Variants in MYBPC1 observed in about 807,000 individuals in gnomAD.
MYBPC1 encodes the protein myosin-binding protein C, slow-type.
MYBPC1 carries 52 observed loss-of-function variants against 147.1 expected under a neutral mutation model. That is an observed-to-expected ratio of 0.35 (90% confidence interval 0.28 to 0.45). The LOEUF is 0.45. Among genes scored for constraint, MYBPC1 ranks in the 20% least tolerant of loss-of-function variants. The pLI, the probability that MYBPC1 is intolerant of heterozygous loss-of-function variation, is 1.00. For synonymous variants in MYBPC1, 477 were observed against 475.9 expected, an observed-to-expected ratio of 1.00 and a Z score of -0.03; for missense variants, 1,228 against 1,440.3, an observed-to-expected ratio of 0.85 and a Z score of 2.39.
intron 3 of MYBPC1, 57 bp from the exon 4 acceptor site, chr12:101,626,815 G>T (rs1888711132): frequency 1.3e-5 from 18 of 1,372,570 alleles, no homozygotes; most frequent in Non-Finnish European, 1.5e-5. Context: ...TCTTTTCTCA[G>T]GTTACTTGGG....
At position 101,637,120 on chromosome 12, in the gene MYBPC1, T is replaced by C. The variant is rs192398352; in HGVS notation, c.665+392T>C. The C allele has an allele frequency of 4.2e-3, 844 of 199,646 alleles. 6 individuals carry two copies. The highest frequency in any genetic ancestry group is 6.8e-3 in the Non-Finnish European group (658 of 96,750). The allele number at this position is 199,646 out of a possible 1,614,324, so 12.4% of individuals were successfully genotyped here. On this transcript the variant is annotated intron_variant, in intron 10 of 31. Transcript: ENST00000361466. ...CTTTAATGTATTATTTATGATGTACTGTATTTCTGCAAGTCTAAGACACCA... is the reference window on the plus strand; with the variant it reads ...CTTTAATGTATTATTTATGATGTACCGTATTTCTGCAAGTCTAAGACACCA...
At chr12:101,653,275 C>T (rs1298743192) in intron 18 of MYBPC1, 27 bp downstream of exon 18, 8 of 1,611,716 alleles carry the variant, frequency 5.0e-6, no homozygotes, top group Non-Finnish European at 5.9e-6. Flanking sequence ...CACACACTCA[C>T]ATGCACACAC....
intron 1 of MYBPC1, among the ~76,000 whole-genome samples, chr12:101,598,249 A>C (rs1423730790): frequency 6.6e-6 from 1 of 151,970 alleles, no homozygotes; most frequent in Non-Finnish European, 1.5e-5. Flanking sequence ...CGAACCGCTG[A>C]CCTCAGGTGG....
chr12:101,602,254 G>A (rs887141619), intron 1 of MYBPC1, among the ~76,000 whole-genome samples: 7 of 151,998 alleles, frequency 4.6e-5, no homozygotes, highest in African/African-American at 9.7e-5. Context: ...TTGCTCTGTC[G>A]CCCAGGTCAG....
At chr12:101,625,774 T>A (rs1888440079) in intron 3 of MYBPC1, among the ~76,000 whole-genome samples, 1 of 152,174 alleles carries the variant, frequency 6.6e-6, no homozygotes, top group Non-Finnish European at 1.5e-5. Context: ...ATAGAGATGG[T>A]CTTCCAAGCA....
chr12:101,623,102 G>A (rs927580795), intron 3 of MYBPC1, among the ~76,000 whole-genome samples: 7 of 152,166 alleles, frequency 4.6e-5, no homozygotes, highest in South Asian at 4.1e-4. Flanking sequence ...ACTTTGGGAG[G>A]CCAAGGCAGG....
At chr12:101,694,245 A>G in the MYBPC1 span, among the ~76,000 whole-genome samples, 1 of 152,340 alleles carries the variant, frequency 6.6e-6, no homozygotes, top group South Asian at 2.1e-4. Flanking sequence ...AGTAACCACT[A>G]TCAGGATTGT....
chr12:101,675,624 A>G (rs948451079), intron 26 of MYBPC1, among the ~76,000 whole-genome samples, 193 bp downstream of exon 26: 27 of 152,232 alleles, frequency 1.8e-4, no homozygotes, highest in Admixed American at 1.8e-3. Context: ...TTAAGACCAC[A>G]TGTATAAGGA....
chr12:101,671,714 A>G (rs1898775689), intron 24 of MYBPC1, among the ~76,000 whole-genome samples: 1 of 152,120 alleles, frequency 6.6e-6, no homozygotes, highest in South Asian at 2.1e-4. Flanking sequence ...CTGCCACCAC[A>G]ACTAATCCCA....
intron 19 of MYBPC1, 175 bp downstream of exon 19, chr12:101,660,006 T>C (rs1046117361): frequency 1.2e-6 from 1 of 810,096 alleles, no homozygotes; most frequent in Admixed American, 2.3e-5. Flanking sequence ...GGTCAGCCAT[T>C]TGGGGTTGCT....
At position 101,642,485 on chromosome 12, in the gene MYBPC1, C is replaced by T; in HGVS notation, c.732C>T (p.Pro244=). 3 of 1,614,056 alleles carry T rather than the reference C, an allele frequency of 1.9e-6. No individual in the cohort carries two copies. The highest frequency in any genetic ancestry group is 2.5e-6 in the Non-Finnish European group (3 of 1,180,034). The change falls in exon 11 of 32, where the codon CCC becomes CCT. Residue 244 remains proline (P), a synonymous_variant. Coordinates refer to ENST00000361466, the MANE Select transcript of MYBPC1 (RefSeq NM_002465.4). ...DVWELLKNAK[P]SEYEKIAFQY... is the part of the protein sequence containing the mutation. ...GGGAGTTGCTGAAGAACGCGAAACCCAGTGAGTACGAGAAGATCGCCTTCC... is the reference window on the plus strand; with the variant it reads ...GGGAGTTGCTGAAGAACGCGAAACCTAGTGAGTACGAGAAGATCGCCTTCC...
chr12:101,639,244 T>G (rs2136146895), intron 10 of MYBPC1, among the ~76,000 whole-genome samples: 1 of 152,334 alleles, frequency 6.6e-6, no homozygotes, highest in East Asian at 1.9e-4. Flanking sequence ...GTTATTGAAA[T>G]TTTGATGTAG....
At position 101,641,311 on chromosome 12, in the gene MYBPC1, A is replaced by G. The variant is rs112346258; in HGVS notation, c.666-1108A>G. On this transcript the variant is annotated intron_variant, in intron 10 of 31. Coordinates refer to ENST00000361466, the MANE Select transcript of MYBPC1 (RefSeq NM_002465.4). Reference sequence around the variant, plus strand: ...TAAGCAGTCGTTGTAACATTTCTAAATTAACCTGATAAAAATAGTCATGTA... The same window carrying G: ...TAAGCAGTCGTTGTAACATTTCTAAGTTAACCTGATAAAAATAGTCATGTA... Among the ~76,000 whole-genome samples, 890 of 152,280 alleles carry G rather than the reference A, an allele frequency of 5.8e-3. 5 individuals carry two copies. The highest frequency in any genetic ancestry group is 0.02 in the African/African-American group (849 of 41,544).
chr12:101,694,132 T>C, the MYBPC1 span, among the ~76,000 whole-genome samples: 12 of 152,240 alleles, frequency 7.9e-5, no homozygotes, highest in African/African-American at 2.9e-4. Flanking sequence ...CTATTCCATT[T>C]AGGTTGCTGT....
rs539115428 is a variant in MYBPC1, at chr12:101,597,683, A to G, written c.25+2588A>G. On this transcript the variant is annotated intron_variant, in intron 1 of 31. Transcript: ENST00000361466. ...TCAGTGAGCCCTTTTGGAGAAAGCA[A>G]GTATTATTCTTAAGGAGTAACCACT... Among the ~76,000 whole-genome samples the G allele has an allele frequency of 6.0e-4, 91 of 152,308 alleles. 1 individual carries two copies. Among genetic ancestry groups the G allele is most frequent in the African/African-American group, 2.1e-3 (89 of 41,578 alleles).
intron 15 of MYBPC1, 82 bp downstream of exon 15, chr12:101,649,508 T>G: frequency 6.7e-7 from 1 of 1,490,108 alleles, no homozygotes; most frequent in South Asian, 1.1e-5. Flanking sequence ...AAGTTTCTAT[T>G]TGATTTCTAT....
At chr12:101,626,976 A>G (rs1888756489) in intron 4 of MYBPC1, 66 bp downstream of exon 4, 1 of 1,460,432 alleles carries the variant, frequency 6.8e-7, no homozygotes. Flanking sequence ...AGAGGAAAAG[A>G]AAAGGCAGTG....
Position 101,661,249 on chromosome 12 carries a change from C to G in MYBPC1, c.2019C>G (p.Gly673=). ...MNWEPPAYDG[G]SPILGYFIER... ...GGGAGCCTCCTGCCTACGACGGAGG[C>G]TCTCCAATCCTAGGTAACTGCATGT... The change falls in exon 20 of 32, where the codon GGC becomes GGG. Residue 673 remains glycine, a synonymous_variant. Transcript: ENST00000361466. 1 of 1,610,946 alleles carries G rather than the reference C, an allele frequency of 6.2e-7. No homozygotes were observed. Among genetic ancestry groups the G allele is most frequent in the Admixed American group, 1.7e-5 (1 of 59,992 alleles).
chr12:101,628,978 T>G, intron 5 of MYBPC1: 1 of 235,200 alleles, frequency 4.3e-6, no homozygotes, highest in South Asian at 6.6e-5. Flanking sequence ...TTTCTGACCC[T>G]TGTCAGACAG....
Sources: allele counts gnomAD v4.1 joint callset (sites outside exome capture counted in the v4.1 genomes callset), GRCh38; gene constraint gnomAD v4.1.1; transcripts MANE v1.5; gene names NCBI Gene and HGNC (gene_info 2026-07-23, HGNC 2026-07-21).